Variants in KLHL29 observed in about 807,000 individuals in gnomAD.
The protein encoded by KLHL29 is kelch-like protein 29.
KLHL29 carries 21 observed loss-of-function variants against 80.4 expected under a neutral mutation model. That is an observed-to-expected ratio of 0.26 (90% CI 0.19 to 0.38). The LOEUF (loss-of-function observed/expected upper bound fraction) is 0.38, where lower values mean the gene tolerates loss of function less well. Ranked by LOEUF, KLHL29 falls within the 10% of genes least tolerant of loss-of-function variation. The probability of loss-of-function intolerance (pLI) is 1.00; values close to 1 mark genes in which losing one functional copy is unlikely to be tolerated. For missense variants in KLHL29, 867 were observed against 1,223.9 expected (o/e 0.71, Z 4.35); for synonymous variants, 511 against 526.8 (o/e 0.97, Z 0.41).
At chr2:23,471,990 A>G (rs1159288884) in intron 1 of KLHL29, among the ~76,000 whole-genome samples, 2 of 152,176 alleles carry the variant, frequency 1.3e-5, no homozygotes, top group Non-Finnish European at 2.9e-5. Flanking sequence ...GCTTAGGTGC[A>G]TGGATGTAGC....
Position 23,641,472 on chromosome 2 carries a change from A to G in KLHL29, c.428-866A>G, listed in dbSNP as rs577699839. Among the ~76,000 whole-genome samples, 27 of 151,400 alleles carry G rather than the reference A, an allele frequency of 1.8e-4. No homozygotes were observed. In the South Asian group the frequency reaches 5.0e-3, roughly 28 times the overall value. Reference sequence around the variant, plus strand: ...GCCCTCACCTGAGGGCCCAGTGAACACCCCCATCTCCACCATCCCCTTCCC... The same window carrying G: ...GCCCTCACCTGAGGGCCCAGTGAACGCCCCCATCTCCACCATCCCCTTCCC... On this transcript the variant is annotated intron_variant, in intron 4 of 13. Transcript: ENST00000486442.
rs1157736706 is a variant in KLHL29, at chr2:23,613,763, C to CAAAAAAAAAAAAAAAAAA, written c.286-25366_286-25349dup. 9.4e-5 allele frequency among the ~76,000 whole-genome samples: 6 copies of CAAAAAAAAAAAAAAAAAA among 63,718 alleles called. 1 individual carries two copies. The highest frequency in any genetic ancestry group is 3.6e-4 in the African/African-American group (4 of 11,258). 41.8% of individuals were successfully genotyped at this position (63,718 alleles called of 152,430 possible). On this transcript the variant is annotated intron_variant, in intron 3 of 13. Transcript: ENST00000486442. ...TGGGCGGCAGGGCAAGACTCCATCT[C>CAAAAAAAAAAAAAAAAAA]AAAAAAAAAAAAAAAAAAAAAAAAA...
At chr2:23,388,367 A>T (rs1666236586) in intron 1 of KLHL29, among the ~76,000 whole-genome samples, 1 of 152,198 alleles carries the variant, frequency 6.6e-6, no homozygotes, top group Non-Finnish European at 1.5e-5. Flanking sequence ...CAGTCACTTT[A>T]AGACCGGAAA....
At chr2:23,542,756 C>T (rs1391620693) in intron 2 of KLHL29, among the ~76,000 whole-genome samples, 1 of 152,176 alleles carries the variant, frequency 6.6e-6, no homozygotes, top group Non-Finnish European at 1.5e-5. Flanking sequence ...ACAAGTTGCT[C>T]AGCCCCGGGG....
intron 5 of KLHL29, among the ~76,000 whole-genome samples, chr2:23,679,062 AAAAAG>A (rs1480566976): frequency 1.3e-5 from 2 of 152,170 alleles, no homozygotes; most frequent in Non-Finnish European, 2.9e-5. Flanking sequence ...AAAAAAAAAA[AAAAAG>A]AATTAGCCTC....
intron 6 of KLHL29, chr2:23,685,578 CT>C: frequency 6.6e-6 from 1 of 152,442 alleles, no homozygotes; most frequent in Non-Finnish European, 1.5e-5. Context: ...CCGATCCGGC[CT>C]TTCACATAGA....
chr2:23,705,569 G>C (rs1005522193), intron 13 of KLHL29, among the ~76,000 whole-genome samples: 5 of 152,026 alleles, frequency 3.3e-5, no homozygotes, highest in African/African-American at 1.2e-4. Context: ...TCAGGTAATA[G>C]GTGCACCACA....
intron 2 of KLHL29, among the ~76,000 whole-genome samples, chr2:23,518,404 G>A (rs1398332593): frequency 6.6e-6 from 1 of 152,226 alleles, no homozygotes; most frequent in Non-Finnish European, 1.5e-5. Context: ...GGATTAGGGA[G>A]CAAGAGCCTG....
intron 1 of KLHL29, among the ~76,000 whole-genome samples, chr2:23,397,657 G>C (rs903474276): frequency 6.6e-6 from 1 of 152,236 alleles, no homozygotes; most frequent in African/African-American, 2.4e-5. Context: ...ATGGGGTTGG[G>C]TGGAGGATGT....
At chr2:23,560,920 T>C (rs1667429885) in intron 2 of KLHL29, among the ~76,000 whole-genome samples, 1 of 152,246 alleles carries the variant, frequency 6.6e-6, no homozygotes, top group Admixed American at 6.5e-5. Context: ...TAAAATAAAG[T>C]GGCCCGTCTG....
chr2:23,675,832 C>G (rs1261531189), intron 5 of KLHL29, among the ~76,000 whole-genome samples: 1 of 152,224 alleles, frequency 6.6e-6, no homozygotes, highest in Non-Finnish European at 1.5e-5. Flanking sequence ...TACATTCTGT[C>G]CATCCGATTC....
At chr2:23,553,530 T>C (rs1667181646) in intron 2 of KLHL29, among the ~76,000 whole-genome samples, 1 of 152,192 alleles carries the variant, frequency 6.6e-6, no homozygotes, top group South Asian at 2.1e-4. Flanking sequence ...CCACATTTCA[T>C]GTCCACTTGG....
At chr2:23,501,889 A>G (rs1363349189) in intron 2 of KLHL29, among the ~76,000 whole-genome samples, 1 of 152,070 alleles carries the variant, frequency 6.6e-6, no homozygotes, top group Non-Finnish European at 1.5e-5. Context: ...GCCCCTTCCC[A>G]GGCATCCCCC....
At chr2:23,597,624 C>G (rs1668462146) in intron 3 of KLHL29, among the ~76,000 whole-genome samples, 1 of 151,356 alleles carries the variant, frequency 6.6e-6, no homozygotes, top group South Asian at 2.1e-4. Flanking sequence ...GGGGTTTCAC[C>G]GTGTCGGCCA....
chr2:23,467,954 G>T (rs1391277731), intron 1 of KLHL29, among the ~76,000 whole-genome samples: 2 of 151,908 alleles, frequency 1.3e-5, no homozygotes, highest in Middle Eastern at 6.8e-3. Context: ...GGAAGAGAAG[G>T]CTCCATCTAG....
In KLHL29 at chr2:23,642,488, T is replaced by G; in HGVS notation, c.578T>G (p.Val193Gly). Residue 193 changes from valine (V) to glycine (G), a missense_variant, in exon 5 of 14, where the codon GTG becomes GGG. Coordinates refer to ENST00000486442, the MANE Select transcript of KLHL29 (RefSeq NM_052920.2). ...GTGACCCCCTCACTGCCTCCCCACG[T>G]GGGGCCCCAGCTCCCGCTGATGCCA... ...IGVTPSLPPH[V>G]GPQLPLMPGH... 6.6e-7 allele frequency: 1 copy of G among 1,517,228 alleles called. No homozygotes were observed. The highest frequency in any genetic ancestry group is 2.1e-5 in the Admixed American group (1 of 48,242). The allele number at this position is 1,517,228 out of a possible 1,614,324, so 94.0% of individuals were successfully genotyped here. A position where few individuals can be genotyped will look rare whatever the true frequency, so the allele number is the denominator to read the frequency against.
chr2:23,507,810 C>T (rs759196479), intron 2 of KLHL29, among the ~76,000 whole-genome samples: 5 of 152,170 alleles, frequency 3.3e-5, no homozygotes, highest in Non-Finnish European at 7.4e-5. Context: ...GTCTCGGTTG[C>T]CCCATCTGAG....
intron 3 of KLHL29, among the ~76,000 whole-genome samples, chr2:23,600,940 G>A (rs1036015771): frequency 1.3e-5 from 2 of 152,212 alleles, no homozygotes; most frequent in African/African-American, 2.4e-5. Context: ...TGCCTACAGT[G>A]TATGTGAAAC....
intron 5 of KLHL29, among the ~76,000 whole-genome samples, chr2:23,676,484 G>A (rs1670926578): frequency 6.6e-6 from 1 of 152,194 alleles, no homozygotes; most frequent in Non-Finnish European, 1.5e-5. Context: ...ACCTGGCCGA[G>A]GATGGGATTT....
Sources: allele counts gnomAD v4.1 joint callset (sites outside exome capture counted in the v4.1 genomes callset), GRCh38; gene constraint gnomAD v4.1.1; transcripts MANE v1.5; gene names NCBI Gene and HGNC (gene_info 2026-07-23, HGNC 2026-07-21).